Variants in VIPR2 observed in about 807,000 individuals in gnomAD.
The protein encoded by VIPR2 is vasoactive intestinal peptide receptor 2, also known as vasoactive intestinal polypeptide receptor 2.
In VIPR2, 48 loss-of-function variants were observed where a neutral mutation model predicts 58.0. The observed-to-expected ratio is 0.83, with a 90% CI of 0.66 to 1.05. The LOEUF is 1.05. VIPR2 is among the 50% of genes least tolerant of loss of function. VIPR2 has a pLI of 0.00. For missense variants in VIPR2, 534 were observed against 558.0 expected (o/e 0.96, Z 0.43); for synonymous variants, 243 against 235.2 (o/e 1.03, Z -0.30).
intron 4 of VIPR2, among the ~76,000 whole-genome samples, chr7:159,062,905 T>C (rs1011423311): frequency 6.6e-6 from 1 of 152,192 alleles, no homozygotes; most frequent in African/African-American, 2.4e-5. Flanking sequence ...TTACAATCCC[T>C]GAGCCAGACA....
At chr7:159,039,174 T>C (rs1246519382) in intron 6 of VIPR2, among the ~76,000 whole-genome samples, 1 of 152,212 alleles carries the variant, frequency 6.6e-6, no homozygotes, top group Admixed American at 6.5e-5. Context: ...AAAATACACA[T>C]GCAGCCGGGT....
intron 2 of VIPR2, among the ~76,000 whole-genome samples, chr7:159,117,986 C>T (rs1675480083): frequency 6.6e-6 from 1 of 152,226 alleles, no homozygotes; most frequent in Non-Finnish European, 1.5e-5. Context: ...TGACTTATGT[C>T]TCAAGTGACA....
intron 4 of VIPR2, among the ~76,000 whole-genome samples, chr7:159,062,329 G>T (rs1039252082): frequency 6.6e-6 from 1 of 152,162 alleles, no homozygotes; most frequent in African/African-American, 2.4e-5. Flanking sequence ...TGGTCTCACT[G>T]ACTTGAAGAA....
At chr7:159,138,645 A>C (rs987180844) in intron 2 of VIPR2, among the ~76,000 whole-genome samples, 25 of 152,380 alleles carry the variant, frequency 1.6e-4, no homozygotes, top group African/African-American at 5.8e-4. Context: ...AACAGAAAAG[A>C]AAAGCAAGAT....
chr7:159,065,785 G>C (rs1307948529), intron 4 of VIPR2, among the ~76,000 whole-genome samples: 1 of 152,156 alleles, frequency 6.6e-6, no homozygotes, highest in Non-Finnish European at 1.5e-5. Flanking sequence ...AAGTACCCTG[G>C]TTTTCTGTGG....
intron 12 of VIPR2, 34 bp from the exon 13 acceptor site, chr7:159,030,823 C>T: frequency 6.6e-7 from 1 of 1,514,530 alleles, no homozygotes; most frequent in Non-Finnish European, 8.9e-7. Context: ...CGCCCGTGAG[C>T]CTGGGCAGGT....
chr7:159,045,442 A>C (rs1171092714), intron 5 of VIPR2, among the ~76,000 whole-genome samples: 1 of 152,206 alleles, frequency 6.6e-6, no homozygotes, highest in East Asian at 1.9e-4. Context: ...AGGCCATTTG[A>C]TTTTTGACAA....
Position 159,138,842 on chromosome 7 carries a change from GAT to G in VIPR2, c.151+3602_151+3603del, listed in dbSNP as rs562434918. On this transcript the variant is annotated intron_variant, in intron 2 of 12. Transcript: ENST00000262178. ...ACAGAATTTTTCTATGTGCATATTA[GAT>G]ATATATATGTATATCACTTAATTTC... 3.8e-3 allele frequency among the ~76,000 whole-genome samples: 585 copies of G among 152,250 alleles called. 4 individuals carry two copies. Among genetic ancestry groups the G allele is most frequent in the African/African-American group, 0.013 (558 of 41,546 alleles).
At position 159,050,375 on chromosome 7, in the gene VIPR2, A is replaced by C. The variant is rs547805339; in HGVS notation, c.456-7199T>G. On this transcript the variant is annotated intron_variant, in intron 5 of 12. Transcript: ENST00000262178. Reference sequence around the variant, plus strand: ...AAAACAAAAAAAAAAACAAAAAAAAACAAAAAAACCCAGACAATAGCGATT... The same window carrying C: ...AAAACAAAAAAAAAAACAAAAAAAACCAAAAAAACCCAGACAATAGCGATT... Among the ~76,000 whole-genome samples, 1,038 of 151,522 alleles carry C rather than the reference A, an allele frequency of 6.9e-3. 4 individuals are homozygous for C. The highest frequency in any genetic ancestry group is 0.017 in the African/African-American group (696 of 41,308).
intron 6 of VIPR2, among the ~76,000 whole-genome samples, chr7:159,039,722 C>T (rs1179585290): frequency 1.3e-5 from 2 of 152,282 alleles, no homozygotes; most frequent in East Asian, 3.9e-4. Context: ...CGGTCTCAGG[C>T]CTCCAGAACT....
rs898786035 is a variant in VIPR2, at chr7:159,093,348, AC to A, written c.357+10408del. ...TCCTTCAGGGAAATGGGAAACTCAG[AC>A]CAACCGTGTTTTAAGAAGCGTCCTT... On this transcript the variant is annotated intron_variant, in intron 4 of 12. Transcript: ENST00000262178. This position sits in a 1 kb window ranked among gnomAD's most constrained non-coding sequence, Gnocchi z 6.7. 4.6e-5 allele frequency among the ~76,000 whole-genome samples: 7 copies of A among 152,284 alleles called. No individual in the cohort carries two copies. The highest frequency in any genetic ancestry group is 1.7e-4 in the African/African-American group (7 of 41,554).
chr7:159,114,739 G>C (rs1211582939), intron 2 of VIPR2, among the ~76,000 whole-genome samples: 1 of 150,024 alleles, frequency 6.7e-6, no homozygotes, highest in Non-Finnish European at 1.5e-5. Context: ...CCAGGAGCTT[G>C]AGTCAAGCCC....
In VIPR2 at chr7:159,062,367, T is replaced by G. The variant is rs560543541; in HGVS notation, c.358-3789A>C. On this transcript the variant is annotated intron_variant, in intron 4 of 12. Coordinates refer to ENST00000262178, the MANE Select transcript of VIPR2 (RefSeq NM_003382.5). Reference sequence around the variant, plus strand: ...AAGACACGGACCCTCACAGTGAGTGTTACAGTTCTTAAAGGTAATGTGTCC... The same window carrying G: ...AAGACACGGACCCTCACAGTGAGTGGTACAGTTCTTAAAGGTAATGTGTCC... Among the ~76,000 whole-genome samples, 3 of 152,250 alleles carry G rather than the reference T, an allele frequency of 2.0e-5. No homozygotes were observed. In the East Asian group the frequency reaches 5.8e-4, roughly 29 times the overall value.
chr7:159,082,795 C>T (rs1856978120), intron 4 of VIPR2, among the ~76,000 whole-genome samples: 1 of 151,250 alleles, frequency 6.6e-6, no homozygotes, highest in African/African-American at 2.5e-5. Context: ...GACTTGCAGA[C>T]AGGCAGACAG....
chr7:159,124,033 G>T (rs571981778), intron 2 of VIPR2, among the ~76,000 whole-genome samples: 54 of 152,280 alleles, frequency 3.5e-4, no homozygotes, highest in African/African-American at 1.3e-3. Flanking sequence ...GTTCCTTATA[G>T]ATGCTGGATA....
intron 3 of VIPR2, 36 bp from the exon 4 acceptor site, chr7:159,103,890 C>G: frequency 6.3e-7 from 1 of 1,582,552 alleles, no homozygotes. Flanking sequence ...ATCTGCAAGT[C>G]CATGAAAACT....
chr7:159,102,525 A>C (rs924429183), intron 4 of VIPR2, among the ~76,000 whole-genome samples: 2 of 152,266 alleles, frequency 1.3e-5, no homozygotes, highest in African/African-American at 2.4e-5. Context: ...GATATTGGTT[A>C]CTGTATAAGA....
At chr7:159,114,963 G>A (rs1439597947) in intron 2 of VIPR2, among the ~76,000 whole-genome samples, 3 of 152,190 alleles carry the variant, frequency 2.0e-5, no homozygotes, top group African/African-American at 7.2e-5. Context: ...TCAACAATGT[G>A]TCATAAGTTG....
In VIPR2 at chr7:159,034,315, GATA is replaced by G. The variant is rs781674832; in HGVS notation, c.880-14_880-12del. 8.1e-6 allele frequency: 13 copies of G among 1,612,858 alleles called. No individual in the cohort carries two copies. In the South Asian group the frequency reaches 1.4e-4, roughly 18 times the overall value. ...AAGGACAAAATTGACCTGCACAAGA[GATA>G]ATAAGTTTGTGAAACAGACACGTGG... On this transcript the variant is annotated splice_polypyrimidine_tract_variant and intron_variant, in intron 9 of 12. Transcript: ENST00000262178.
Sources: gnomAD v4.1 joint callset for allele counts (sites outside exome capture counted in the v4.1 genomes callset) on GRCh38, gnomAD v4.1.1 for gene constraint, Gnocchi (gnomAD v3.1) non-coding constraint, MANE v1.5 for transcripts, NCBI Gene and HGNC (gene_info 2026-07-23, HGNC 2026-07-21) for gene names.